PEBP4: variants seen among roughly 807,000 people sequenced by gnomAD.
PEBP4 encodes the protein phosphatidylethanolamine-binding protein 4.
Under a neutral mutation model 23.9 loss-of-function variants are expected in PEBP4, and 22 were observed. The ratio of observed to expected loss-of-function variants is 0.92; its 90% CI spans 0.66 to 1.31. The LOEUF is 1.31. Ranked by LOEUF, PEBP4 falls within the 40% of genes most tolerant of loss-of-function variation. The probability of loss-of-function intolerance (pLI) is 0.00; values close to 1 mark genes in which losing one functional copy is unlikely to be tolerated. For missense variants in PEBP4, 324 were observed against 281.7 expected (o/e 1.15, Z -1.07); for synonymous variants, 112 against 99.3 (o/e 1.13, Z -0.76).
chr8:22,911,074 T>C (rs537209429), intron 3 of PEBP4, among the ~76,000 whole-genome samples: 4 of 152,302 alleles, frequency 2.6e-5, no homozygotes, highest in Non-Finnish European at 5.9e-5. Flanking sequence ...CTGCACCATC[T>C]GTTCAATTTT....
At chr8:22,781,291 G>T (rs1025992791) in intron 4 of PEBP4, among the ~76,000 whole-genome samples, 1 of 152,130 alleles carries the variant, frequency 6.6e-6, no homozygotes, top group Non-Finnish European at 1.5e-5. Flanking sequence ...AGGGAGTTCC[G>T]GGAGAGCCGG....
chr8:22,852,015 T>C (rs1807562035), intron 3 of PEBP4, among the ~76,000 whole-genome samples: 1 of 152,014 alleles, frequency 6.6e-6, no homozygotes, highest in South Asian at 2.1e-4. Context: ...GGGACTGCAG[T>C]TGGTAGCTCA....
rs36234109 is a variant in PEBP4 at position 22,865,364 on chromosome 8, ACGGTGG to A, written c.259-47635_259-47630del. On this transcript the variant is annotated intron_variant, in intron 3 of 6. Transcript: ENST00000256404. This position sits in a 1 kb window ranked among gnomAD's most constrained non-coding sequence, Gnocchi z 6.9. ...TCCCGCTGCCCACCCACGGGCGGTG[ACGGTGG>A]CGGTGGCGGTGGCGGCGGCGGGACC... Among the ~76,000 whole-genome samples the A allele has an allele frequency of 0.92, 138,809 of 151,444 alleles. 63,753 individuals carry two copies. The highest frequency in any genetic ancestry group is 0.98 in the East Asian group (4,921 of 5,028).
chr8:22,715,312 G>C (rs1374398387), intron 6 of PEBP4, among the ~76,000 whole-genome samples: 1 of 152,270 alleles, frequency 6.6e-6, no homozygotes, highest in African/African-American at 2.4e-5. Flanking sequence ...GAGGGGCTGT[G>C]CCTGAGCCTC....
intron 3 of PEBP4, among the ~76,000 whole-genome samples, chr8:22,868,017 C>T (rs1264339531): frequency 1.3e-5 from 2 of 152,124 alleles, no homozygotes; most frequent in African/African-American, 2.4e-5. Context: ...TAGCCCAGCC[C>T]GGCTGGCAGG....
chr8:22,731,866 G>T (rs1457049335), intron 4 of PEBP4, among the ~76,000 whole-genome samples: 1 of 150,674 alleles, frequency 6.6e-6, no homozygotes, highest in Non-Finnish European at 1.5e-5. Context: ...TAGTAGAGAC[G>T]GGGTTTCACC....
rs117070186 is a variant in PEBP4, at chr8:22,844,956, G to A, written c.259-27221C>T. On this transcript the variant is annotated intron_variant, in intron 3 of 6. Coordinates refer to ENST00000256404, the MANE Select transcript of PEBP4 (RefSeq NM_144962.3). ...CCTATGAACCAGGGCCCATTAGCAG[G>A]GGGCAGGAGAAATCAGGGTCATGGC... Among the ~76,000 whole-genome samples the A allele has an allele frequency of 1.6e-3, 250 of 152,330 alleles. 7 individuals carry two copies. The East Asian group carries it at 0.046, about 28-fold the overall frequency.
chr8:22,915,989 G>C (rs576593112), intron 3 of PEBP4, among the ~76,000 whole-genome samples: 1 of 152,332 alleles, frequency 6.6e-6, no homozygotes, highest in South Asian at 2.1e-4. Flanking sequence ...GCGAGAAGGT[G>C]CTCCCTGGGA....
At chr8:22,772,572 T>G (rs747599104) in intron 4 of PEBP4, among the ~76,000 whole-genome samples, 5 of 151,060 alleles carry the variant, frequency 3.3e-5, no homozygotes, top group Non-Finnish European at 1.5e-5. Context: ...TGTAGCTCAT[T>G]GCGGCATCCA....
At chr8:22,915,050 G>C (rs1370031197) in intron 3 of PEBP4, among the ~76,000 whole-genome samples, 1 of 151,848 alleles carries the variant, frequency 6.6e-6, no homozygotes, top group Admixed American at 6.6e-5. Context: ...GAAACCCGAG[G>C]GTCATCTGGA....
chr8:22,862,267 C>A (rs1048201145), intron 3 of PEBP4, among the ~76,000 whole-genome samples: 1 of 152,110 alleles, frequency 6.6e-6, no homozygotes, highest in Admixed American at 6.5e-5. Flanking sequence ...GGAATTAGTA[C>A]CCCCATGATG....
At chr8:22,786,823 GC>G (rs1229430706) in intron 4 of PEBP4, among the ~76,000 whole-genome samples, 8 of 141,416 alleles carry the variant, frequency 5.7e-5, no homozygotes, top group Non-Finnish European at 7.7e-5. Flanking sequence ...ACCCCCTACC[GC>G]TTTTTTTTTT....
At chr8:22,808,835 A>AGAATT (rs1316198724) in intron 4 of PEBP4, among the ~76,000 whole-genome samples, 1 of 152,200 alleles carries the variant, frequency 6.6e-6, no homozygotes, top group Non-Finnish European at 1.5e-5. Flanking sequence ...TGTACTCACC[A>AGAATT]GATTTGATTT....
chr8:22,834,929 G>A (rs1396544875), intron 3 of PEBP4, among the ~76,000 whole-genome samples: 1 of 152,140 alleles, frequency 6.6e-6, no homozygotes. Flanking sequence ...ACTTCTTGTT[G>A]CATGACACAA....
At position 22,749,805 on chromosome 8, in the gene PEBP4, C is replaced by CTTTTTTTTTTTTT. The variant is rs71206545; in HGVS notation, c.358-22598_358-22586dup. On this transcript the variant is annotated intron_variant, in intron 4 of 6. Transcript: ENST00000256404. Reference sequence around the variant, plus strand: ...CTCTCCTGATTCTCAGTTTGTCATTCTTTTTTTTTTTTTTTTTTGAGATGG... The same window carrying CTTTTTTTTTTTTT: ...CTCTCCTGATTCTCAGTTTGTCATTCTTTTTTTTTTTTTTTTTTTTTTTTTTTTTTTGAGATGG... Among the ~76,000 whole-genome samples, 36 of 83,754 alleles carry CTTTTTTTTTTTTT rather than the reference C, an allele frequency of 4.3e-4. 4 individuals are homozygous for CTTTTTTTTTTTTT. The highest frequency in any genetic ancestry group is 8.7e-4 in the Admixed American group (5 of 5,776). The allele number at this position is 83,754 out of a possible 152,430, so 54.9% of individuals were successfully genotyped here.
At chr8:22,871,046 C>G (rs567632023) in intron 3 of PEBP4, among the ~76,000 whole-genome samples, 2 of 152,132 alleles carry the variant, frequency 1.3e-5, no homozygotes, top group Non-Finnish European at 2.9e-5. Flanking sequence ...CCTATTGCTA[C>G]GCCTGACCCC....
At chr8:22,873,984 A>G (rs1808065880) in intron 3 of PEBP4, among the ~76,000 whole-genome samples, 2 of 152,146 alleles carry the variant, frequency 1.3e-5, no homozygotes, top group Non-Finnish European at 2.9e-5. Context: ...AGGGGCAGTC[A>G]GTTTGCTAAG....
At chr8:22,879,733 C>T (rs115459791) in intron 3 of PEBP4, among the ~76,000 whole-genome samples, 1,689 of 152,228 alleles carry the variant, frequency 0.011, 24 homozygotes, top group African/African-American at 0.038. Context: ...GGCACACACA[C>T]GCTTGAAAAT....
chr8:22,774,090 T>G (rs1207729572), intron 4 of PEBP4, among the ~76,000 whole-genome samples: 1 of 152,144 alleles, frequency 6.6e-6, no homozygotes, highest in Non-Finnish European at 1.5e-5. Flanking sequence ...GCTGTGAGGT[T>G]CAAACCAGGA....
Sources: gnomAD v4.1 joint callset for allele counts (sites outside exome capture counted in the v4.1 genomes callset) on GRCh38, gnomAD v4.1.1 for gene constraint, Gnocchi (gnomAD v3.1) non-coding constraint, MANE v1.5 for transcripts, NCBI Gene and HGNC (gene_info 2026-07-23, HGNC 2026-07-21) for gene names.